Variants in TSPAN15 observed in about 807,000 individuals in gnomAD.
TSPAN15 encodes tetraspanin-15.
In TSPAN15, 20 loss-of-function variants were observed where a neutral mutation model predicts 34.5. The ratio of observed to expected loss-of-function variants is 0.58; its 90% CI spans 0.41 to 0.84. The LOEUF (loss-of-function observed/expected upper bound fraction) is 0.84. TSPAN15 is among the 40% of genes least tolerant of loss of function. The pLI is 0.00. For missense variants in TSPAN15, 313 were observed against 386.1 expected (o/e 0.81, Z 1.59); for synonymous variants, 155 against 153.9 (o/e 1.01, Z -0.05).
chr10:69,531,427 C>T, the TSPAN15 span, among the ~76,000 whole-genome samples: 5 of 152,050 alleles, frequency 3.3e-5, no homozygotes, highest in Non-Finnish European at 7.4e-5. Context: ...GGCAAAACCC[C>T]GTCTCTACTA....
chr10:69,522,260 C>T, the TSPAN15 span, among the ~76,000 whole-genome samples: 1 of 143,440 alleles, frequency 7.0e-6, no homozygotes, highest in Non-Finnish European at 1.5e-5. Context: ...ACTGGGGAGG[C>T]TGAGGTAGGA....
chr10:69,520,499 A>G, the TSPAN15 span, among the ~76,000 whole-genome samples: 1 of 152,176 alleles, frequency 6.6e-6, no homozygotes, highest in Admixed American at 6.5e-5. Flanking sequence ...TCTACAAAAA[A>G]TACAAAAATT....
intron 1 of TSPAN15, among the ~76,000 whole-genome samples, chr10:69,470,865 A>G (rs1237957667): frequency 6.6e-6 from 1 of 152,030 alleles, no homozygotes; most frequent in East Asian, 1.9e-4. Flanking sequence ...CTCATCTCCT[A>G]CATGCTCCCT....
intron 3 of TSPAN15, chr10:69,495,290 C>T (rs1589648969): frequency 6.5e-6 from 2 of 307,122 alleles, no homozygotes; most frequent in Non-Finnish European, 1.2e-5. Context: ...CTGTGTGTCC[C>T]CAAGCACGGC....
intron 3 of TSPAN15, among the ~76,000 whole-genome samples, chr10:69,490,339 C>T (rs1019953194): frequency 1.3e-5 from 2 of 152,178 alleles, no homozygotes; most frequent in African/African-American, 4.8e-5. Context: ...CACACATGCT[C>T]AAGTCCTTTA....
the TSPAN15 span, among the ~76,000 whole-genome samples, chr10:69,534,119 A>C: frequency 1.3e-5 from 2 of 152,242 alleles, no homozygotes; most frequent in Non-Finnish European, 2.9e-5. Context: ...GATTATTATC[A>C]TACTTTTAGG....
At chr10:69,515,800 G>A in the TSPAN15 span, among the ~76,000 whole-genome samples, 1 of 152,310 alleles carries the variant, frequency 6.6e-6, no homozygotes, top group South Asian at 2.1e-4. Context: ...GCTGACATGG[G>A]GACATGTGGT....
chr10:69,508,440 C>CAAAAAAAAAAAAAAAAA (rs71009229), downstream of TSPAN15, among the ~76,000 whole-genome samples: 6 of 62,174 alleles, frequency 9.7e-5, no homozygotes, highest in African/African-American at 2.4e-4. Context: ...GACTCCATCT[C>CAAAAAAAAAAAAAAAAA]AAAAAAAAAA....
chr10:69,499,055 A>G (rs190568519), intron 5 of TSPAN15, among the ~76,000 whole-genome samples: 2 of 152,224 alleles, frequency 1.3e-5, no homozygotes, highest in Non-Finnish European at 2.9e-5. Context: ...CCCCAGCACG[A>G]TCCTCTCGGG....
intron 1 of TSPAN15, among the ~76,000 whole-genome samples, chr10:69,459,662 G>A (rs1295180834): frequency 6.6e-6 from 1 of 152,188 alleles, no homozygotes; most frequent in Admixed American, 6.5e-5. Context: ...GGGCCTGGCT[G>A]TGTGAAGAGT....
At chr10:69,541,455 C>T in the TSPAN15 span, among the ~76,000 whole-genome samples, 3 of 152,234 alleles carry the variant, frequency 2.0e-5, no homozygotes, top group South Asian at 6.2e-4. Context: ...GAACTACATG[C>T]AAGTCCGAAA....
intron 1 of TSPAN15, among the ~76,000 whole-genome samples, chr10:69,474,477 G>T (rs563541436): frequency 4.3e-4 from 65 of 152,268 alleles, no homozygotes; most frequent in Non-Finnish European, 8.5e-4. Context: ...ATCTCTGTGA[G>T]CCCATGTCTC....
intron 6 of TSPAN15, among the ~76,000 whole-genome samples, chr10:69,505,567 C>CT (rs202092249): frequency 0.015 from 2,197 of 143,272 alleles, 35 homozygotes; most frequent in African/African-American, 0.036. Context: ...TGCAGAAATG[C>CT]TTTTTTTTTT....
chr10:69,506,893 C>G lies in TSPAN15; in HGVS notation c.800C>G (p.Ser267Cys), dbSNP rs755392897. ...TRVEDIIMEH[S>C]VTDGLLGPGA... ...GTGGAGGACATCATCATGGAGCACTCTGTCACTGATGGGCTCCTGGGGCCC... is the reference window on the plus strand; with the variant it reads ...GTGGAGGACATCATCATGGAGCACTGTGTCACTGATGGGCTCCTGGGGCCC... The change falls in exon 8 of 8, where the codon TCT (serine) becomes TGT (cysteine). Residue 267 changes from serine to cysteine, a missense_variant. Physicochemically the swap from Ser to Cys is moderately radical, Grantham distance 112. Transcript: ENST00000373290. This position sits in a 1 kb window ranked among gnomAD's most constrained non-coding sequence, Gnocchi z 4.7. The G allele has an allele frequency of 3.1e-6, 5 of 1,607,006 alleles. No homozygotes were observed. The highest frequency in any genetic ancestry group is 4.2e-6 in the Non-Finnish European group (5 of 1,177,312).
At chr10:69,518,895 T>G in the TSPAN15 span, among the ~76,000 whole-genome samples, 1 of 152,200 alleles carries the variant, frequency 6.6e-6, no homozygotes, top group Non-Finnish European at 1.5e-5. Flanking sequence ...GAAACTCAAC[T>G]GCCTGTGGCC....
chr10:69,514,164 A>G, the TSPAN15 span, among the ~76,000 whole-genome samples: 7 of 152,258 alleles, frequency 4.6e-5, no homozygotes, highest in Non-Finnish European at 7.3e-5. Context: ...ATTTGCGAAT[A>G]TGGTGAATTT....
At chr10:69,518,688 C>G in the TSPAN15 span, among the ~76,000 whole-genome samples, 12 of 152,324 alleles carry the variant, frequency 7.9e-5, no homozygotes, top group African/African-American at 2.9e-4. Flanking sequence ...TCCTAAAGTG[C>G]TGGGATTACA....
downstream of TSPAN15, among the ~76,000 whole-genome samples, chr10:69,511,262 T>C (rs796575081): frequency 6.6e-6 from 1 of 152,238 alleles, no homozygotes; most frequent in South Asian, 2.1e-4. Context: ...GAACTTGTTA[T>C]TGGTCTATTC....
chr10:69,508,676 G>A (rs1477218205), downstream of TSPAN15, among the ~76,000 whole-genome samples: 1 of 152,114 alleles, frequency 6.6e-6, no homozygotes, highest in African/African-American at 2.4e-5. Context: ...TGCCAGGAAC[G>A]ATATTAACTC....
Sources: gnomAD v4.1 joint callset for allele counts (sites outside exome capture counted in the v4.1 genomes callset) on GRCh38, gnomAD v4.1.1 for gene constraint, Gnocchi (gnomAD v3.1) non-coding constraint, MANE v1.5 for transcripts, NCBI Gene and HGNC (gene_info 2026-07-23, HGNC 2026-07-21) for gene names.